The following SOX5 variants were observed in gnomAD, a reference collection of about 807,000 sequenced individuals.
SOX5 encodes the protein transcription factor SOX-5.
In SOX5, 9 loss-of-function variants were observed where a neutral mutation model predicts 92.0. The ratio of observed to expected loss-of-function variants is 0.10; its 90% CI spans 0.06 to 0.17. The LOEUF (loss-of-function observed/expected upper bound fraction) is 0.17. SOX5 is among the 10% of genes least tolerant of loss of function. The pLI, the probability that SOX5 is intolerant of heterozygous loss-of-function variation, is 1.00. For missense variants in SOX5, 642 were observed against 944.5 expected (o/e 0.68, Z 4.20); for synonymous variants, 344 against 336.3 (o/e 1.02, Z -0.25).
At chr12:23,863,209 G>A (rs2096774958) in intron 2 of SOX5, among the ~76,000 whole-genome samples, 1 of 151,904 alleles carries the variant, frequency 6.6e-6, no homozygotes. Context: ...CTGTAACATG[G>A]GTTAGCTAAT....
chr12:23,770,378 C>A (rs1233738609), intron 3 of SOX5, among the ~76,000 whole-genome samples: 1 of 152,090 alleles, frequency 6.6e-6, no homozygotes, highest in Non-Finnish European at 1.5e-5. Flanking sequence ...GGACTGTAGC[C>A]ATTTATTTTA....
intron 4 of SOX5, among the ~76,000 whole-genome samples, chr12:23,970,951 C>T (rs1390549180): frequency 6.9e-6 from 1 of 145,270 alleles, no homozygotes; most frequent in Non-Finnish European, 1.5e-5. Flanking sequence ...CAGCACTTGG[C>T]TCACAATGGT....
At chr12:24,277,413 A>C (rs1039637711) in intron 2 of SOX5, 6 of 77,664 alleles carry the variant, frequency 7.7e-5, no homozygotes, top group African/African-American at 1.8e-4. Flanking sequence ...TTTCAAAAGA[A>C]ATTTATATTT....
chr12:24,037,617 T>C (rs1592570728), intron 4 of SOX5, among the ~76,000 whole-genome samples: 1 of 152,208 alleles, frequency 6.6e-6, no homozygotes, highest in African/African-American at 2.4e-5. Flanking sequence ...AAATAGATCA[T>C]TCAAGTAATA....
intron 6 of SOX5, among the ~76,000 whole-genome samples, chr12:23,724,171 G>C (rs1404933462): frequency 2.0e-5 from 3 of 152,100 alleles, no homozygotes; most frequent in Non-Finnish European, 4.4e-5. Context: ...TTATTTTCTA[G>C]AGATCATCTG....
chr12:24,241,784 T>C (rs894630096), intron 3 of SOX5, among the ~76,000 whole-genome samples: 17 of 152,212 alleles, frequency 1.1e-4, no homozygotes, highest in Non-Finnish European at 2.5e-4. Context: ...ATCGATATTC[T>C]GGATTTCCCT....
intron 2 of SOX5, among the ~76,000 whole-genome samples, chr12:24,350,122 C>A (rs972519234): frequency 2.0e-5 from 3 of 152,154 alleles, no homozygotes; most frequent in Admixed American, 2.0e-4. Context: ...TTAAAACAGG[C>A]AACAGAATCA....
At chr12:24,084,623 A>C (rs115034606) in intron 4 of SOX5, among the ~76,000 whole-genome samples, 1,927 of 152,212 alleles carry the variant, frequency 0.013, 26 homozygotes, top group African/African-American at 0.043. Context: ...CATTTCAACA[A>C]TTCAAACGTC....
chr12:23,848,510 C>T (rs921872915), intron 2 of SOX5, among the ~76,000 whole-genome samples: 10 of 152,282 alleles, frequency 6.6e-5, no homozygotes, highest in African/African-American at 2.2e-4. Context: ...CTGTTAATCT[C>T]CTTAACAGTT....
At chr12:24,014,190 T>G (rs996751412) in intron 4 of SOX5, among the ~76,000 whole-genome samples, 1 of 152,206 alleles carries the variant, frequency 6.6e-6, no homozygotes, top group Admixed American at 6.5e-5. Flanking sequence ...CTAGTTGCTC[T>G]TGTTTAATCA....
chr12:24,274,074 A>C (rs1478296175), intron 3 of SOX5, among the ~76,000 whole-genome samples: 1 of 152,152 alleles, frequency 6.6e-6, no homozygotes, highest in Non-Finnish European at 1.5e-5. Flanking sequence ...ATTGTCTCTT[A>C]TGTGCTTGAC....
chr12:23,557,255 T>C (rs1945339747), intron 11 of SOX5, among the ~76,000 whole-genome samples: 1 of 152,226 alleles, frequency 6.6e-6, no homozygotes, highest in Non-Finnish European at 1.5e-5. Context: ...ACTACTGTCA[T>C]TATTGAGTAA....
At chr12:24,348,572 G>A (rs950865544) in intron 2 of SOX5, among the ~76,000 whole-genome samples, 4 of 151,796 alleles carry the variant, frequency 2.6e-5, no homozygotes, top group South Asian at 2.1e-4. Flanking sequence ...TAGTAGAGGC[G>A]GTGTTTCACC....
In SOX5 at chr12:23,665,464, A is replaced by G; in HGVS notation, c.911T>C (p.Phe304Ser). The stretch of plus-strand genomic sequence containing the variant: ...CTTACTACATCCAGCCTTATAGCTG[A>G]AGCCTGGAGGGAGGAGGAATCCTTG... ...AQQGFLLPPG[F>S]SYKAGCSDPY... is the part of the protein sequence containing the mutation. The change falls in exon 7 of 15, where the codon TTC becomes TCC. Residue 304 changes from phenylalanine (F) to serine (S), a missense_variant. Physicochemically the swap from Phe to Ser is radical, Grantham distance 155. This residue lies in a region of SOX5 where 324 missense variants were observed against 461.6 expected (regional missense o/e 0.70). Coordinates refer to ENST00000451604, the MANE Select transcript of SOX5 (RefSeq NM_006940.6). The G allele has an allele frequency of 6.2e-7, 1 of 1,613,598 alleles. No homozygotes were observed.
chr12:24,025,136 A>G (rs1310116493), intron 4 of SOX5, among the ~76,000 whole-genome samples: 2 of 152,050 alleles, frequency 1.3e-5, no homozygotes, highest in Admixed American at 1.3e-4. Context: ...TAAAATATAA[A>G]AGAGAAAAGA....
At chr12:24,102,409 A>T (rs1248313590) in intron 4 of SOX5, among the ~76,000 whole-genome samples, 1 of 152,228 alleles carries the variant, frequency 6.6e-6, no homozygotes, top group Non-Finnish European at 1.5e-5. Context: ...CAGCATGAGT[A>T]GAATAAGTAT....
chr12:23,727,794 G>A (rs2093214279), intron 6 of SOX5, among the ~76,000 whole-genome samples: 1 of 152,114 alleles, frequency 6.6e-6, no homozygotes, highest in Non-Finnish European at 1.5e-5. Context: ...ATTTTAAAGT[G>A]GCTCCTTCTG....
At chr12:23,736,584 C>CA (rs1201095481) in intron 5 of SOX5, among the ~76,000 whole-genome samples, 5 of 151,066 alleles carry the variant, frequency 3.3e-5, no homozygotes, top group Admixed American at 2.0e-4. Context: ...CCTGGCTGCG[C>CA]AAAAAAATTT....
At chr12:24,406,618 G>A (rs1348580047) in intron 1 of SOX5, among the ~76,000 whole-genome samples, 1 of 152,176 alleles carries the variant, frequency 6.6e-6, no homozygotes, top group Non-Finnish European at 1.5e-5. Flanking sequence ...AGATGGGGGA[G>A]GGTAGATCTT....
Sources: gnomAD v4.1 joint callset for allele counts (sites outside exome capture counted in the v4.1 genomes callset) on GRCh38, gnomAD v4.1.1 for gene constraint, gnomAD v4.1.1 regional missense constraint, MANE v1.5 for transcripts, NCBI Gene and HGNC (gene_info 2026-07-23, HGNC 2026-07-21) for gene names.